CREB5: variants seen among roughly 807,000 people sequenced by gnomAD.
CREB5 encodes cyclic AMP-responsive element-binding protein 5.
Under a neutral mutation model 57.1 loss-of-function variants are expected in CREB5, and 19 were observed. The observed-to-expected ratio is 0.33, with a 90% CI of 0.23 to 0.49. The LOEUF is 0.49. Ranked by LOEUF, CREB5 falls within the 20% of genes least tolerant of loss-of-function variation. CREB5 has a pLI of 0.99. For synonymous variants in CREB5, 238 were observed against 238.3 expected, an observed-to-expected ratio of 1.00 and a Z score of 0.01; for missense variants, 579 against 671.6, an observed-to-expected ratio of 0.86 and a Z score of 1.52.
At chr7:28,590,817 C>T (rs1292315507) in intron 5 of CREB5, among the ~76,000 whole-genome samples, 2 of 151,976 alleles carry the variant, frequency 1.3e-5, no homozygotes, top group African/African-American at 4.8e-5. Context: ...TATTGCCCTC[C>T]AAGCCTGTGG....
chr7:28,652,302 C>T (rs1799161633), intron 5 of CREB5, among the ~76,000 whole-genome samples: 1 of 152,072 alleles, frequency 6.6e-6, no homozygotes, highest in African/African-American at 2.4e-5. Flanking sequence ...ACTGTGAAAG[C>T]TCCTATTTTC....
At chr7:28,611,041 T>C (rs1481077911) in intron 5 of CREB5, among the ~76,000 whole-genome samples, 1 of 151,696 alleles carries the variant, frequency 6.6e-6, no homozygotes, top group Non-Finnish European at 1.5e-5. Context: ...TTAAGAGAAC[T>C]GTCTTTCCCT....
chr7:28,344,643 A>C (rs759888949), intron 1 of CREB5, among the ~76,000 whole-genome samples: 1 of 152,132 alleles, frequency 6.6e-6, no homozygotes, highest in African/African-American at 2.4e-5. Flanking sequence ...ACAAAATGGC[A>C]GTAGTAAGTT....
intron 5 of CREB5, chr7:28,685,880 G>A: frequency 2.5e-6 from 1 of 393,642 alleles, no homozygotes; most frequent in East Asian, 4.1e-5. Context: ...GGCTGTTTTG[G>A]TTACATTGAA....
chr7:28,413,709 C>G (rs1177919878), intron 1 of CREB5, among the ~76,000 whole-genome samples: 2 of 152,142 alleles, frequency 1.3e-5, no homozygotes, highest in South Asian at 4.1e-4. Flanking sequence ...AAATTGGAAA[C>G]CATGCCCTTA....
chr7:28,787,657 C>G (rs1807412747), intron 7 of CREB5, among the ~76,000 whole-genome samples: 1 of 152,198 alleles, frequency 6.6e-6, no homozygotes, highest in Non-Finnish European at 1.5e-5. Flanking sequence ...CTGGATCAAG[C>G]CATCCTCCCA....
At chr7:28,481,312 T>C (rs1157535343) in intron 1 of CREB5, among the ~76,000 whole-genome samples, 1 of 152,228 alleles carries the variant, frequency 6.6e-6, no homozygotes, top group Non-Finnish European at 1.5e-5. Flanking sequence ...GCTTTTGGGA[T>C]ACCAGGGGAT....
At chr7:28,550,619 T>C (rs1025063607) in intron 4 of CREB5, among the ~76,000 whole-genome samples, 8 of 152,170 alleles carry the variant, frequency 5.3e-5, no homozygotes, top group Non-Finnish European at 1.0e-4. Flanking sequence ...CCTCACCTTC[T>C]CCGCCTCCCA....
chr7:28,520,311 C>A (rs909554715), intron 4 of CREB5, among the ~76,000 whole-genome samples: 2 of 152,220 alleles, frequency 1.3e-5, no homozygotes, highest in South Asian at 4.1e-4. Flanking sequence ...CTGCCTCAGG[C>A]TTTTGGGAGG....
intron 5 of CREB5, among the ~76,000 whole-genome samples, chr7:28,622,429 A>G (rs1583434393): frequency 6.6e-6 from 1 of 152,202 alleles, no homozygotes; most frequent in East Asian, 1.9e-4. Flanking sequence ...AAGACTATGA[A>G]GACATGCTCT....
At position 28,341,646 on chromosome 7, in the gene CREB5, C is replaced by T. The variant is rs114536013; in HGVS notation, c.-25+42205C>T. ...CTTGCATTCTTTGTAGTACTTAGTA[C>T]AGTGCTGGATGTGCAACGTAAGATG... On this transcript the variant is annotated intron_variant, in intron 1 of 9. Coordinates refer to the CREB5 transcript ENST00000396299. 3.5e-3 allele frequency among the ~76,000 whole-genome samples: 534 copies of T among 152,276 alleles called. 6 individuals carry two copies. Among genetic ancestry groups the T allele is most frequent in the African/African-American group, 0.012 (505 of 41,546 alleles).
intron 1 of CREB5, among the ~76,000 whole-genome samples, chr7:28,478,341 A>AAT (rs1325030155): frequency 6.6e-6 from 1 of 151,454 alleles, no homozygotes; most frequent in Non-Finnish European, 1.5e-5. Context: ...AAAGTGTGTG[A>AAT]ATATATATAC....
intron 5 of CREB5, among the ~76,000 whole-genome samples, chr7:28,667,777 C>T (rs935536561): frequency 4.6e-5 from 7 of 152,142 alleles, no homozygotes; most frequent in South Asian, 4.1e-4. Flanking sequence ...GCCGAGGAAA[C>T]GAAAACAAAT....
intron 5 of CREB5, among the ~76,000 whole-genome samples, chr7:28,604,247 C>G (rs1046411865): frequency 2.6e-5 from 4 of 152,088 alleles, no homozygotes; most frequent in African/African-American, 9.7e-5. Flanking sequence ...ACACTTGATA[C>G]TAAAAAAATG....
chr7:28,632,944 T>C (rs909666497), intron 5 of CREB5, among the ~76,000 whole-genome samples: 1 of 152,222 alleles, frequency 6.6e-6, no homozygotes, highest in Non-Finnish European at 1.5e-5. Context: ...TGTATAATAG[T>C]GTATTATATC....
At chr7:28,512,669 ATG>A (rs1330374217) in intron 4 of CREB5, among the ~76,000 whole-genome samples, 1 of 149,142 alleles carries the variant, frequency 6.7e-6, no homozygotes, top group South Asian at 2.1e-4. Flanking sequence ...GTGTGTGTGT[ATG>A]TGTGTGTGTG....
chr7:28,674,645 ACT>A (rs1256398427), intron 5 of CREB5, among the ~76,000 whole-genome samples: 1 of 151,984 alleles, frequency 6.6e-6, no homozygotes, highest in African/African-American at 2.4e-5. Flanking sequence ...CCAAAACAAA[ACT>A]CTGGACGTTT....
chr7:28,556,260 G>A (rs1221122549), intron 4 of CREB5, among the ~76,000 whole-genome samples: 2 of 152,178 alleles, frequency 1.3e-5, no homozygotes, highest in African/African-American at 4.8e-5. Flanking sequence ...ATATAAAGCT[G>A]TTCTTATTCT....
At chr7:28,561,029 T>TGTGTGC (rs1554344585) in intron 4 of CREB5, among the ~76,000 whole-genome samples, 2,822 of 64,926 alleles carry the variant, frequency 0.043, 287 homozygotes, top group East Asian at 0.098. Flanking sequence ...TGTGTGCGTG[T>TGTGTGC]GTGTGTGTGT....
Sources: gnomAD v4.1 joint callset for allele counts (sites outside exome capture counted in the v4.1 genomes callset) on GRCh38, gnomAD v4.1.1 for gene constraint, MANE v1.5 for transcripts, NCBI Gene and HGNC (gene_info 2026-07-23, HGNC 2026-07-21) for gene names.